The following TEX9 variants were observed in gnomAD, a reference collection of about 807,000 sequenced individuals.
The protein encoded by TEX9 is testis-expressed protein 9.
In TEX9, 74 loss-of-function variants were observed where a neutral mutation model predicts 59.6. The ratio of observed to expected loss-of-function variants is 1.24; its 90% confidence interval spans 1.03 to 1.51. The LOEUF (loss-of-function observed/expected upper bound fraction) is 1.51. Among genes scored for constraint, TEX9 ranks in the 40% most tolerant of loss-of-function variants. TEX9 has a pLI of 0.00. For synonymous variants in TEX9, 186 were observed against 152.2 expected (o/e 1.22, Z -1.64); for missense variants, 522 against 447.8 (o/e 1.17, Z -1.49).
rs190917824 is a variant in TEX9 at position 56,358,974 on chromosome 15, A to T, written c.-106-14467A>T. 5.8e-4 allele frequency among the ~76,000 whole-genome samples: 89 copies of T among 152,250 alleles called. 1 individual carries two copies. Among genetic ancestry groups the T allele is most frequent in the Middle Eastern group, 3.4e-3 (1 of 294 alleles). The stretch of plus-strand genomic sequence containing the variant: ...CCTGAGGCCTCCCCAGCCATGCAGA[A>T]CTTTGAGTCCATTAAACCTCTTTCC... On this transcript the variant is annotated intron_variant, in intron 1 of 5. Transcript: ENST00000560827.
chr15:56,377,720 C>G (rs1248703211), intron 3 of TEX9, among the ~76,000 whole-genome samples: 1 of 152,026 alleles, frequency 6.6e-6, no homozygotes, highest in Non-Finnish European at 1.5e-5. Flanking sequence ...TTTGGATGCC[C>G]TTTATTTCTT....
chr15:56,247,898 A>G (rs1437006191), intron 1 of TEX9, among the ~76,000 whole-genome samples: 1 of 152,124 alleles, frequency 6.6e-6, no homozygotes, highest in Non-Finnish European at 1.5e-5. Flanking sequence ...GTCTTTTTCC[A>G]TTGCAAGCTT....
At chr15:56,414,478 G>A (rs2049567256) in intron 10 of TEX9, among the ~76,000 whole-genome samples, 1 of 151,770 alleles carries the variant, frequency 6.6e-6, no homozygotes, top group Non-Finnish European at 1.5e-5. Context: ...CCACTTATAA[G>A]TGAAAACAAG....
At chr15:56,254,157 G>A (rs2044091972) in intron 1 of TEX9, among the ~76,000 whole-genome samples, 1 of 152,100 alleles carries the variant, frequency 6.6e-6, no homozygotes, top group Non-Finnish European at 1.5e-5. Flanking sequence ...ATTGGTAACA[G>A]GACAGGGGAC....
intron 1 of TEX9, among the ~76,000 whole-genome samples, chr15:56,264,604 A>G (rs2044338956): frequency 6.6e-6 from 1 of 152,156 alleles, no homozygotes; most frequent in Non-Finnish European, 1.5e-5. Flanking sequence ...ATGGACAAGT[A>G]TTTATCAGTT....
At chr15:56,433,425 T>C (rs200186741) in intron 12 of TEX9, among the ~76,000 whole-genome samples, 1 of 83,710 alleles carries the variant, frequency 1.2e-5, no homozygotes, top group Non-Finnish European at 2.6e-5. Flanking sequence ...CTTAAAAATA[T>C]TAAAAAAATA....
At chr15:56,322,597 G>C (rs1241577875) in intron 1 of TEX9, among the ~76,000 whole-genome samples, 3 of 152,114 alleles carry the variant, frequency 2.0e-5, no homozygotes, top group Non-Finnish European at 2.9e-5. Flanking sequence ...AATGCTGCTA[G>C]GCAACTTGAA....
rs575099825 is a variant in TEX9 at position 56,333,618 on chromosome 15, G to A, written c.-106-39823G>A. Among the ~76,000 whole-genome samples the A allele has an allele frequency of 5.9e-4, 90 of 152,204 alleles. 2 individuals are homozygous for A. Among genetic ancestry groups the A allele is most frequent in the African/African-American group, 2.1e-3 (87 of 41,526 alleles). ...GCCTTTCATCTAAGAGCTGGAACAA[G>A]ACAAAGATGCCCACTTGCACCCTGT... On this transcript the variant is annotated intron_variant, in intron 1 of 5. Coordinates refer to the TEX9 transcript ENST00000560827.
chr15:56,417,325 G>T (rs1373512534), intron 10 of TEX9, among the ~76,000 whole-genome samples: 1 of 151,952 alleles, frequency 6.6e-6, no homozygotes, highest in East Asian at 1.9e-4. Flanking sequence ...ACTTTTTGAT[G>T]TGGGCGTTTA....
At chr15:56,427,874 A>T (rs2140293663) in intron 11 of TEX9, 135 bp downstream of exon 11, 1 of 617,602 alleles carries the variant, frequency 1.6e-6, no homozygotes, top group East Asian at 3.3e-5. Flanking sequence ...ATACATATGA[A>T]ATCATATGAA....
chr15:56,326,934 A>G (rs1371220385), intron 1 of TEX9, among the ~76,000 whole-genome samples: 7 of 152,220 alleles, frequency 4.6e-5, no homozygotes, highest in Admixed American at 6.5e-5. Context: ...TTCATTGGGT[A>G]CAGTGTATGC....
chr15:56,418,456 T>C (rs1384969664), intron 10 of TEX9, among the ~76,000 whole-genome samples: 1 of 151,386 alleles, frequency 6.6e-6, no homozygotes, highest in African/African-American at 2.5e-5. Context: ...TGGCTTAATA[T>C]GAAATTCTTG....
intron 1 of TEX9, among the ~76,000 whole-genome samples, chr15:56,271,995 T>A (rs1028902173): frequency 2.0e-5 from 3 of 151,860 alleles, no homozygotes; most frequent in Non-Finnish European, 4.4e-5. Flanking sequence ...AAAAACAAAA[T>A]TAGCTGGGCA....
At chr15:56,458,802 C>T in the TEX9 span, among the ~76,000 whole-genome samples, 2 of 152,148 alleles carry the variant, frequency 1.3e-5, no homozygotes, top group Admixed American at 6.5e-5. Flanking sequence ...CATTTTGGCA[C>T]TGAATAATAT....
At chr15:56,438,710 C>T (rs1378356705) in intron 12 of TEX9, among the ~76,000 whole-genome samples, 2 of 152,128 alleles carry the variant, frequency 1.3e-5, no homozygotes, top group African/African-American at 4.8e-5. Context: ...AACAGCCAAC[C>T]TACAGAATGG....
intron 12 of TEX9, among the ~76,000 whole-genome samples, chr15:56,436,631 A>G (rs1596256258): frequency 6.6e-6 from 1 of 152,200 alleles, no homozygotes; most frequent in African/African-American, 2.4e-5. Flanking sequence ...GGAGATAGAG[A>G]CACAAAAAAC....
chr15:56,278,182 C>T (rs1462816869), intron 1 of TEX9, among the ~76,000 whole-genome samples: 1 of 152,266 alleles, frequency 6.6e-6, no homozygotes, highest in East Asian at 1.9e-4. Context: ...ACATTAATAT[C>T]TATAGCATTT....
chr15:56,280,595 C>T (rs1469008835), intron 1 of TEX9, among the ~76,000 whole-genome samples: 1 of 152,032 alleles, frequency 6.6e-6, no homozygotes, highest in East Asian at 1.9e-4. Flanking sequence ...TAACAATTTC[C>T]AATAAGTTTA....
At chr15:56,453,150 T>C in the TEX9 span, among the ~76,000 whole-genome samples, 5 of 152,206 alleles carry the variant, frequency 3.3e-5, no homozygotes, top group African/African-American at 1.2e-4. Flanking sequence ...GACTTTAACT[T>C]CATTTACTTC....
Sources: gnomAD v4.1 joint callset for allele counts (sites outside exome capture counted in the v4.1 genomes callset) on GRCh38, gnomAD v4.1.1 for gene constraint, MANE v1.5 for transcripts, NCBI Gene and HGNC (gene_info 2026-07-23, HGNC 2026-07-21) for gene names.